The following RNF43 variants were observed in gnomAD, a reference collection of about 807,000 sequenced individuals.
The protein encoded by RNF43 is ring finger protein 43.
Under a neutral mutation model 78.4 loss-of-function variants are expected in RNF43, and 37 were observed. The ratio of observed to expected loss-of-function variants is 0.47; its 90% CI spans 0.36 to 0.62. The LOEUF (loss-of-function observed/expected upper bound fraction) is 0.62, where lower values mean the gene tolerates loss of function less well. Among genes scored for constraint, RNF43 ranks in the 20% least tolerant of loss-of-function variants. The probability of loss-of-function intolerance (pLI) is 0.00; values close to 1 mark genes in which losing one functional copy is unlikely to be tolerated. For missense variants in RNF43, 774 were observed against 1,007.9 expected (o/e 0.77, Z 3.14); for synonymous variants, 347 against 395.0 (o/e 0.88, Z 1.44).
chr17:58,363,547 C>T lies in RNF43; in HGVS notation c.429G>A (p.Glu143=). The T allele has an allele frequency of 6.2e-7, 1 of 1,612,726 alleles. No individual in the cohort carries two copies. The highest frequency in any genetic ancestry group is 8.5e-7 in the Non-Finnish European group (1 of 1,178,968). The change falls in exon 4 of 10, where the codon GAG becomes GAA. Residue 143 remains glutamate, a synonymous_variant. Coordinates refer to ENST00000407977, the MANE Select transcript of RNF43 (RefSeq NM_017763.6). ...GTACCTGCTCAGCAGCAGCTCGATC[C>T]TCAGTGATGTCAAAGAGGACAGCAC... ...GASAVLFDIT[E]DRAAAEQLQQ... is the part of the protein sequence containing the mutation.
At chr17:58,386,303 G>A (rs1973433392) in intron 2 of RNF43, among the ~76,000 whole-genome samples, 1 of 151,334 alleles carries the variant, frequency 6.6e-6, no homozygotes, top group African/African-American at 2.4e-5. Flanking sequence ...GTACGCGCTG[G>A]TAGTCCCAGC....
At position 58,357,344 on chromosome 17, in the gene RNF43, G is replaced by A; in HGVS notation, c.2308+124C>T. 8.0e-7 allele frequency: 1 copy of A among 1,250,180 alleles called. No homozygotes were observed. The highest frequency in any genetic ancestry group is 1.2e-6 in the Non-Finnish European group (1 of 858,314). 77.4% of individuals were successfully genotyped at this position (1,250,180 alleles called of 1,614,324 possible). A position where few individuals can be genotyped will look rare whatever the true frequency, so the allele number is the denominator to read the frequency against. ...GCTGTCCCGATGGTTAAGTATTTTG[G>A]TTGTCATCTCTGCTGTATCCTTCTC... On this transcript the variant is annotated intron_variant, in intron 9 of 9. Coordinates refer to ENST00000407977, the MANE Select transcript of RNF43 (RefSeq NM_017763.6). The surrounding 1 kb of genome is among the most constrained non-coding windows in gnomAD (Gnocchi z 4.5).
intron 2 of RNF43, among the ~76,000 whole-genome samples, chr17:58,389,680 A>G (rs1381359181): frequency 6.6e-6 from 1 of 152,232 alleles, no homozygotes; most frequent in Non-Finnish European, 1.5e-5. Flanking sequence ...TTAAATTTAC[A>G]TATCACTTCA....
intron 2 of RNF43, chr17:58,402,774 T>C (rs1286801703): frequency 6.6e-6 from 1 of 152,178 alleles, no homozygotes; most frequent in Non-Finnish European, 1.5e-5. Flanking sequence ...ACTCAATCAG[T>C]TGAAATCCAA....
intron 2 of RNF43, among the ~76,000 whole-genome samples, chr17:58,393,955 C>T (rs1567891342): frequency 6.6e-6 from 1 of 152,186 alleles, no homozygotes. Context: ...ACTCGGGAGA[C>T]TGAGGCAGGA....
chr17:58,402,081 G>T (rs1344830264), intron 2 of RNF43, among the ~76,000 whole-genome samples: 1 of 152,176 alleles, frequency 6.6e-6, no homozygotes. Context: ...GTTTCTAGTG[G>T]CAAAGATAGA....
chr17:58,379,801 C>T (rs573247338), intron 2 of RNF43, among the ~76,000 whole-genome samples: 8 of 152,298 alleles, frequency 5.3e-5, no homozygotes, highest in African/African-American at 1.7e-4. Flanking sequence ...ATATTTGGCA[C>T]TAATCATAGA....
rs1278777503 is a variant in RNF43 at position 58,415,764 on chromosome 17, T to C, written c.-187A>G. On this transcript the variant is annotated 5_prime_UTR_variant, in exon 2 of 10. Coordinates refer to ENST00000407977, the MANE Select transcript of RNF43 (RefSeq NM_017763.6). ...TCCCAAAAACAGGTAGCATTCCTGA[T>C]TGGGCAGAGAAGAGGATATTTTCAG... 6.2e-6 allele frequency: 4 copies of C among 642,128 alleles called. No homozygotes were observed. Among genetic ancestry groups the C allele is most frequent in the Admixed American group, 5.9e-5 (2 of 34,126 alleles). The allele number at this position is 642,128 out of a possible 1,614,324, so 39.8% of individuals were successfully genotyped here. A position where few individuals can be genotyped will look rare whatever the true frequency, so the allele number is the denominator to read the frequency against.
At chr17:58,371,371 C>T (rs1260504085) in intron 2 of RNF43, among the ~76,000 whole-genome samples, 1 of 152,250 alleles carries the variant, frequency 6.6e-6, no homozygotes, top group African/African-American at 2.4e-5. Context: ...GGGCTCCTCT[C>T]CTGGCCCCAG....
In RNF43 at chr17:58,357,651, T is replaced by C. The variant is rs2143389295; in HGVS notation, c.2125A>G (p.Arg709Gly). 6.2e-7 allele frequency: 1 copy of C among 1,613,704 alleles called. No homozygotes were observed. Residue 709 changes from arginine to glycine, a missense_variant, in exon 9 of 10, where the codon AGG (arginine) becomes GGG (glycine). By Grantham distance (125) the Arg-to-Gly change is moderately radical (BLOSUM62 -2). Transcript: ENST00000407977. This position sits in a 1 kb window ranked among gnomAD's most constrained non-coding sequence, Gnocchi z 4.5. The part of the protein sequence containing the change: ...LICGPPGLDK[R>G]LLPETPGPCY... Reference sequence around the variant, plus strand: ...GGGCCTGGGGTTTCTGGTAGCAGCCTCTTGTCCAGGCCTGGAGGTCCACAG... The same window carrying C: ...GGGCCTGGGGTTTCTGGTAGCAGCCCCTTGTCCAGGCCTGGAGGTCCACAG...
intron 5 of RNF43, among the ~76,000 whole-genome samples, chr17:58,362,879 A>G (rs1002168008): frequency 2.0e-5 from 3 of 152,078 alleles, no homozygotes; most frequent in South Asian, 2.1e-4. Context: ...CTCAAAACCC[A>G]TGTGCTTGGG....
chr17:58,404,619 A>G (rs887608165), intron 2 of RNF43, among the ~76,000 whole-genome samples: 2 of 152,250 alleles, frequency 1.3e-5, no homozygotes, highest in Non-Finnish European at 2.9e-5. Flanking sequence ...ACTAAAATCA[A>G]CACATTTTAG....
chr17:58,367,160 C>T (rs1317681860), intron 3 of RNF43, among the ~76,000 whole-genome samples: 1 of 152,024 alleles, frequency 6.6e-6, no homozygotes, highest in Admixed American at 6.6e-5. Flanking sequence ...GCCACCACGC[C>T]TGGCTAATTT....
chr17:58,384,629 C>T (rs776699439), intron 2 of RNF43, among the ~76,000 whole-genome samples: 2 of 152,240 alleles, frequency 1.3e-5, no homozygotes, highest in East Asian at 3.9e-4. Context: ...CAATGCAATG[C>T]ATATTGGGCT....
chr17:58,354,721 T>C lies in RNF43; in HGVS notation c.*222A>G. 3.5e-6 allele frequency: 2 copies of C among 576,178 alleles called. No homozygotes were observed. Among genetic ancestry groups the C allele is most frequent in the South Asian group, 4.0e-5 (2 of 50,364 alleles). The allele number at this position is 576,178 out of a possible 1,614,324, so 35.7% of individuals were successfully genotyped here. On this transcript the variant is annotated 3_prime_UTR_variant, in exon 10 of 10. Coordinates refer to ENST00000407977, the MANE Select transcript of RNF43 (RefSeq NM_017763.6). ...GTTGCCTGGCTGGACATGGATTTGC[T>C]GCACTGCAGATGTTTTCTGCAGACA...
chr17:58,370,798 G>A (rs1272966750), intron 3 of RNF43, 113 bp downstream of exon 3: 2 of 1,231,822 alleles, frequency 1.6e-6, no homozygotes, highest in Non-Finnish European at 1.1e-6. Context: ...GGAAACCCAA[G>A]GGAATCAGGT....
chr17:58,408,190 G>C (rs1209133974), intron 2 of RNF43, among the ~76,000 whole-genome samples: 1 of 152,002 alleles, frequency 6.6e-6, no homozygotes, highest in Non-Finnish European at 1.5e-5. Context: ...GAAATAATTG[G>C]GATTATGTTA....
Position 58,358,172 on chromosome 17 carries a change from G to T in RNF43, c.1604C>A (p.Ser535Ter). 6.2e-7 allele frequency: 1 copy of T among 1,612,348 alleles called. No homozygotes were observed. Reference protein sequence around the residue: ...SVTSRPRSLDSVVPTGETQVS... With the variant: ...SVTSRPRSLD The stretch of plus-strand genomic sequence containing the variant: ...CTGGGTTTCCCCTGTGGGCACCACC[G>T]AGTCCAAGGAACGAGGCCGAGAGGT... Residue 535 changes from serine (S) to a stop codon, truncating the protein, a stop_gained, in exon 9 of 10, where the codon TCG (serine) becomes TAG (stop). Coordinates refer to ENST00000407977, the MANE Select transcript of RNF43 (RefSeq NM_017763.6). LOFTEE classifies it high-confidence loss of function. This position sits in a 1 kb window ranked among gnomAD's most constrained non-coding sequence, Gnocchi z 6.2.
intron 2 of RNF43, among the ~76,000 whole-genome samples, chr17:58,404,363 T>TC (rs1238835947): frequency 1.3e-5 from 2 of 152,054 alleles, no homozygotes; most frequent in Admixed American, 1.3e-4. Context: ...TATTTAGTTC[T>TC]CCCCCAACTC....
Sources: gnomAD v4.1 joint callset for allele counts (sites outside exome capture counted in the v4.1 genomes callset) on GRCh38, gnomAD v4.1.1 for gene constraint, Gnocchi (gnomAD v3.1) non-coding constraint, MANE v1.5 for transcripts, NCBI Gene and HGNC (gene_info 2026-07-23, HGNC 2026-07-21) for gene names.